CSMD3: variants seen among roughly 807,000 people sequenced by gnomAD.
CSMD3 encodes the protein CUB and sushi domain-containing protein 3.
A neutral mutation model predicts 435.2 loss-of-function variants in CSMD3; 177 were observed. The observed-to-expected ratio is 0.41, with a 90% confidence interval of 0.36 to 0.46. CSMD3 has a LOEUF of 0.46. Ranked by LOEUF, CSMD3 falls within the 20% of genes least tolerant of loss-of-function variation. CSMD3 has a pLI of 0.34. For synonymous variants in CSMD3, 1,656 were observed against 1,520.5 expected (o/e 1.09, Z -2.07); for missense variants, 4,265 against 4,504.6 (o/e 0.95, Z 1.52).
intron 3 of CSMD3, among the ~76,000 whole-genome samples, chr8:113,267,668 A>T (rs1041231223): frequency 2.0e-5 from 3 of 151,614 alleles, no homozygotes; most frequent in African/African-American, 7.3e-5. Flanking sequence ...GAAGGAATAA[A>T]TTCAATGTTT....
chr8:113,372,891 G>A (rs113251873), intron 1 of CSMD3, among the ~76,000 whole-genome samples: 2 of 146,548 alleles, frequency 1.4e-5, no homozygotes, highest in Non-Finnish European at 3.0e-5. Flanking sequence ...CCGAGATTGC[G>A]CCACTGCAGT....
chr8:112,342,655 T>C (rs1354253962), intron 41 of CSMD3, among the ~76,000 whole-genome samples: 2 of 152,026 alleles, frequency 1.3e-5, no homozygotes, highest in African/African-American at 4.8e-5. Context: ...ACCGAGGCAT[T>C]CAGACTCTTA....
rs188587647 is a variant in CSMD3 at position 112,402,543 on chromosome 8, C to T, written c.5809+3981G>A. ...ATGTCATTATATTACTCTGTTTTTA[C>T]AGTAGATTATATGAAACTAAATGAA... On this transcript the variant is annotated intron_variant, in intron 35 of 70. Coordinates refer to ENST00000297405, the MANE Select transcript of CSMD3 (RefSeq NM_198123.2). Among the ~76,000 whole-genome samples, 733 of 152,170 alleles carry T rather than the reference C, an allele frequency of 4.8e-3. 3 individuals carry two copies. The highest frequency in any genetic ancestry group is 8.6e-3 in the Non-Finnish European group (585 of 67,982).
intron 3 of CSMD3, among the ~76,000 whole-genome samples, chr8:113,222,320 T>C (rs1016759504): frequency 6.6e-6 from 1 of 151,040 alleles, no homozygotes; most frequent in African/African-American, 2.4e-5. Flanking sequence ...CTCTTCTTCT[T>C]TTAATCTTTA....
intron 22 of CSMD3, among the ~76,000 whole-genome samples, chr8:112,589,679 T>A (rs1831014882): frequency 6.6e-6 from 1 of 152,186 alleles, no homozygotes; most frequent in Middle Eastern, 3.4e-3. Flanking sequence ...TCTTAAGATA[T>A]GTTAAAATTG....
At chr8:112,400,130 A>G (rs892198284) in intron 35 of CSMD3, among the ~76,000 whole-genome samples, 4 of 152,218 alleles carry the variant, frequency 2.6e-5, no homozygotes, top group Non-Finnish European at 4.4e-5. Context: ...ACAAAAAAAC[A>G]TAGACTAGGT....
intron 12 of CSMD3, among the ~76,000 whole-genome samples, chr8:112,812,067 A>C (rs752150145): frequency 1.3e-5 from 2 of 152,120 alleles, no homozygotes; most frequent in Non-Finnish European, 2.9e-5. Context: ...CCACACCAGG[A>C]ATATTAGGTG....
chr8:112,756,027 G>T (rs2077690201), intron 13 of CSMD3, among the ~76,000 whole-genome samples: 1 of 151,932 alleles, frequency 6.6e-6, no homozygotes, highest in Non-Finnish European at 1.5e-5. Context: ...ATATCCTGGT[G>T]GAATCTTTGC....
At chr8:112,674,159 A>C (rs531444600) in intron 16 of CSMD3, among the ~76,000 whole-genome samples, 2 of 152,210 alleles carry the variant, frequency 1.3e-5, no homozygotes, top group South Asian at 4.1e-4. Context: ...GAGCATGCTA[A>C]AGGAATGCCA....
At chr8:113,285,739 T>A (rs1030805014) in intron 2 of CSMD3, among the ~76,000 whole-genome samples, 1 of 152,214 alleles carries the variant, frequency 6.6e-6, no homozygotes, top group Non-Finnish European at 1.5e-5. Context: ...AATAAAGTAT[T>A]AAACTGTATT....
chr8:112,898,338 C>T (rs1402218483), intron 10 of CSMD3, among the ~76,000 whole-genome samples: 4 of 151,080 alleles, frequency 2.6e-5, no homozygotes, highest in Non-Finnish European at 5.9e-5. Context: ...ATTTCTGTTG[C>T]TTTTGCATTC....
At chr8:112,880,275 T>C (rs545112025) in intron 10 of CSMD3, among the ~76,000 whole-genome samples, 1 of 152,166 alleles carries the variant, frequency 6.6e-6, no homozygotes, top group East Asian at 1.9e-4. Context: ...GAGATAGTTA[T>C]TCAACACTAA....
chr8:113,019,705 A>G (rs570832086), intron 5 of CSMD3, among the ~76,000 whole-genome samples: 3 of 151,872 alleles, frequency 2.0e-5, no homozygotes, highest in Non-Finnish European at 4.4e-5. Context: ...CCTTATTTCC[A>G]GAGTGAGACT....
chr8:112,258,799 G>A (rs964286359), intron 61 of CSMD3, among the ~76,000 whole-genome samples: 2 of 152,108 alleles, frequency 1.3e-5, no homozygotes, highest in African/African-American at 4.8e-5. Flanking sequence ...CAGCACTTTG[G>A]GAGGCCAAGG....
intron 9 of CSMD3, among the ~76,000 whole-genome samples, chr8:112,923,201 T>G (rs2082800081): frequency 6.6e-6 from 1 of 152,104 alleles, no homozygotes; most frequent in African/African-American, 2.4e-5. Context: ...TGTTCTTGCC[T>G]CCCTGCAATC....
At chr8:112,353,343 T>A (rs1421258727) in intron 38 of CSMD3, among the ~76,000 whole-genome samples, 1 of 152,068 alleles carries the variant, frequency 6.6e-6, no homozygotes, top group Admixed American at 6.6e-5. Context: ...TGAGCTGAGA[T>A]CTTGCCATTG....
At chr8:112,637,277 ATCTTAT>A (rs2074688476) in intron 21 of CSMD3, among the ~76,000 whole-genome samples, 1 of 152,160 alleles carries the variant, frequency 6.6e-6, no homozygotes, top group African/African-American at 2.4e-5. Context: ...ATAGCTATTT[ATCTTAT>A]TGTTTTTTCT....
chr8:113,350,947 A>T (rs1220188627), intron 1 of CSMD3, among the ~76,000 whole-genome samples: 9 of 152,030 alleles, frequency 5.9e-5, no homozygotes, highest in South Asian at 4.2e-4. Context: ...CTTTAGATCT[A>T]ATTTCCATGT....
At chr8:112,460,746 GT>G (rs1817368465) in intron 32 of CSMD3, among the ~76,000 whole-genome samples, 1 of 152,120 alleles carries the variant, frequency 6.6e-6, no homozygotes, top group Non-Finnish European at 1.5e-5. Flanking sequence ...TTGATAGTTA[GT>G]CTGGTATTTT....
Sources: gnomAD v4.1 joint callset for allele counts (sites outside exome capture counted in the v4.1 genomes callset) on GRCh38, gnomAD v4.1.1 for gene constraint, MANE v1.5 for transcripts, NCBI Gene and HGNC (gene_info 2026-07-23, HGNC 2026-07-21) for gene names.